OCA2: variants seen among roughly 807,000 people sequenced by gnomAD.
OCA2 encodes the protein P protein.
Under a neutral mutation model 100.2 loss-of-function variants are expected in OCA2, and 77 were observed. That is an observed-to-expected ratio of 0.77 (90% CI 0.64 to 0.93). The LOEUF is 0.93. OCA2 is among the 40% of genes least tolerant of loss of function. The pLI, the probability that OCA2 is intolerant of heterozygous loss-of-function variation, is 0.00. For synonymous variants in OCA2, 432 were observed against 439.2 expected (o/e 0.98, Z 0.21); for missense variants, 1,062 against 1,089.1 (o/e 0.98, Z 0.35).
chr15:28,011,034 G>T (rs1229249235), intron 9 of OCA2, among the ~76,000 whole-genome samples: 1 of 152,192 alleles, frequency 6.6e-6, no homozygotes. Context: ...CCACAAATAT[G>T]TCCGATTAAT....
rs1279793139 is a variant in OCA2 at position 28,081,932 on chromosome 15, G to A, written c.-21-37C>T. 7.9e-6 allele frequency: 12 copies of A among 1,513,868 alleles called. No homozygotes were observed. The African/African-American group carries it at 1.2e-4, about 16-fold the overall frequency. 93.8% of individuals were successfully genotyped at this position (1,513,868 alleles called of 1,614,324 possible). On this transcript the variant is annotated intron_variant, in intron 1 of 23. Transcript: ENST00000354638. ...AGAAAGAAACCACTCTTCATGAAAGGCACACTGAGACTAACGTTTGCACCT... is the reference window on the plus strand; with the variant it reads ...AGAAAGAAACCACTCTTCATGAAAGACACACTGAGACTAACGTTTGCACCT...
chr15:28,063,880 T>G (rs1017066262), intron 2 of OCA2, among the ~76,000 whole-genome samples: 10 of 152,164 alleles, frequency 6.6e-5, no homozygotes, highest in African/African-American at 2.4e-4. Context: ...ACAGATTTCT[T>G]TACTGGTGCT....
intron 2 of OCA2, among the ~76,000 whole-genome samples, chr15:28,036,581 G>A (rs1243302622): frequency 6.6e-6 from 1 of 152,056 alleles, no homozygotes; most frequent in Non-Finnish European, 1.5e-5. Context: ...ACAGTTTCTT[G>A]CCCATGCCTC....
At chr15:27,759,781 C>T (rs1323486552) in intron 23 of OCA2, among the ~76,000 whole-genome samples, 4 of 152,132 alleles carry the variant, frequency 2.6e-5, no homozygotes, top group South Asian at 4.1e-4. Flanking sequence ...CTTTTATTCT[C>T]TCTCTCTGTA....
At position 27,989,680 on chromosome 15, in the gene OCA2, A is replaced by G. The variant is rs568428803; in HGVS notation, c.1117-14T>C. On this transcript the variant is annotated splice_polypyrimidine_tract_variant and intron_variant, in intron 10 of 23. Coordinates refer to ENST00000354638, the MANE Select transcript of OCA2 (RefSeq NM_000275.3). ...CAGGCTGGGTCTCTGCAATCAAAGCACAAATTTGCCAATTAATCCGTGCGC... is the reference window on the plus strand; with the variant it reads ...CAGGCTGGGTCTCTGCAATCAAAGCGCAAATTTGCCAATTAATCCGTGCGC... 2 of 1,613,828 alleles carry G rather than the reference A, an allele frequency of 1.2e-6. No homozygotes were observed. The highest frequency in any genetic ancestry group is 2.2e-5 in the South Asian group (2 of 91,064).
At position 27,851,379 on chromosome 15, in the gene OCA2, T is replaced by C. The variant is rs2035744731; in HGVS notation, c.2338+3A>G. ...CACCCCCATGCAGTCAGCAGCCCCT[T>C]ACCTCCCAGGCAAGCACCGAAGGCC... On this transcript the variant is annotated splice_donor_region_variant and intron_variant, in intron 22 of 23. Coordinates refer to ENST00000354638, the MANE Select transcript of OCA2 (RefSeq NM_000275.3). The C allele has an allele frequency of 6.2e-7, 1 of 1,613,404 alleles. No individual in the cohort carries two copies. The highest frequency in any genetic ancestry group is 8.5e-7 in the Non-Finnish European group (1 of 1,179,666).
intron 23 of OCA2, among the ~76,000 whole-genome samples, chr15:27,777,013 C>T (rs556551493): frequency 5.9e-5 from 9 of 151,892 alleles, no homozygotes; most frequent in Non-Finnish European, 1.2e-4. Context: ...CACTTCCCCC[C>T]ACACCAGCCC....
intron 18 of OCA2, among the ~76,000 whole-genome samples, chr15:27,933,520 C>G (rs1391093867): frequency 3.3e-5 from 5 of 152,124 alleles, no homozygotes. Context: ...AGCAATAAAG[C>G]TTTTTAATCA....
chr15:27,998,439 C>A (rs1205805490), intron 9 of OCA2, among the ~76,000 whole-genome samples: 1 of 134,554 alleles, frequency 7.4e-6, no homozygotes, highest in East Asian at 2.1e-4. Context: ...CCAAAAGACA[C>A]ATGAAAAAAT....
chr15:28,084,554 C>T lies in OCA2; in HGVS notation c.-21-2659G>A, dbSNP rs145169363. On this transcript the variant is annotated intron_variant, in intron 1 of 23. Coordinates refer to ENST00000354638, the MANE Select transcript of OCA2 (RefSeq NM_000275.3). ...TAAAAAGCACACACGTGTATAATCT[C>T]AGAGTTTCTGTGGGTCAAGGCCAGG... 2.7e-3 allele frequency among the ~76,000 whole-genome samples: 415 copies of T among 152,334 alleles called. 4 individuals carry two copies. Among genetic ancestry groups the T allele is most frequent in the African/African-American group, 9.4e-3 (391 of 41,584 alleles).
intron 9 of OCA2, among the ~76,000 whole-genome samples, chr15:28,003,430 C>T (rs2041989059): frequency 6.6e-6 from 1 of 152,258 alleles, no homozygotes; most frequent in African/African-American, 2.4e-5. Context: ...CTGGCGGTCC[C>T]CACCCAGGAC....
rs554529234 is a variant in OCA2 at position 27,806,763 on chromosome 15, G to A, written c.2432+38196C>T. 2.5e-3 allele frequency among the ~76,000 whole-genome samples: 377 copies of A among 152,370 alleles called. 1 individual carries two copies. The highest frequency in any genetic ancestry group is 4.0e-3 in the Non-Finnish European group (272 of 68,034). ...TACAGAAATAAAAAAGAAGCCGGCT[G>A]AACTTCACTGATGGCCCAGACTGCG... On this transcript the variant is annotated intron_variant, in intron 23 of 23. Transcript: ENST00000354638.
chr15:27,897,210 C>T (rs1161643731), intron 19 of OCA2, among the ~76,000 whole-genome samples: 1 of 151,138 alleles, frequency 6.6e-6, no homozygotes, highest in Non-Finnish European at 1.5e-5. Flanking sequence ...AAAAAGAAAT[C>T]TTCTTGGCAG....
chr15:27,767,180 T>G, intron 23 of OCA2, among the ~76,000 whole-genome samples: 1 of 152,198 alleles, frequency 6.6e-6, no homozygotes, highest in African/African-American at 2.4e-5. Flanking sequence ...ACAGATGGTC[T>G]TACAAATGGA....
intron 9 of OCA2, among the ~76,000 whole-genome samples, chr15:27,996,428 T>G (rs12914545): frequency 0.6 from 91,399 of 151,634 alleles, 31,722 homozygotes; most frequent in Non-Finnish European, 0.79. Context: ...ACTTTATACC[T>G]CAAGGAAATA....
In OCA2 at chr15:28,037,062, GCACCAC is replaced by G. The variant is rs576814589; in HGVS notation, c.228-4905_228-4900del. 4.6e-5 allele frequency among the ~76,000 whole-genome samples: 7 copies of G among 152,172 alleles called. No homozygotes were observed. In the East Asian group the frequency reaches 1.4e-3, roughly 30 times the overall value. On this transcript the variant is annotated intron_variant, in intron 2 of 23. Transcript: ENST00000354638. ...AAGTCATATGCAGGCTCTTTCCCAG[GCACCAC>G]TCAGGAAGACCACAGAGCAGGCAGG... is the stretch of plus-strand genomic sequence containing the variant.
At chr15:28,092,703 T>A (rs1595938018) in intron 1 of OCA2, among the ~76,000 whole-genome samples, 1 of 152,212 alleles carries the variant, frequency 6.6e-6, no homozygotes, top group East Asian at 1.9e-4. Flanking sequence ...CTGTGAAAAA[T>A]ATCAAGCAAT....
At chr15:27,914,735 T>G (rs950195884) in intron 19 of OCA2, among the ~76,000 whole-genome samples, 14 of 152,000 alleles carry the variant, frequency 9.2e-5, no homozygotes, top group African/African-American at 3.1e-4. Flanking sequence ...ATGGAAAAAC[T>G]TTCCATGCTC....
chr15:27,977,709 GA>G (rs2041015277), intron 14 of OCA2, among the ~76,000 whole-genome samples: 1 of 152,226 alleles, frequency 6.6e-6, no homozygotes, highest in African/African-American at 2.4e-5. Context: ...GGTATTAGGA[GA>G]TGGAGTCTTT....
Sources: allele counts gnomAD v4.1 joint callset (sites outside exome capture counted in the v4.1 genomes callset), GRCh38; gene constraint gnomAD v4.1.1; transcripts MANE v1.5; gene names NCBI Gene and HGNC (gene_info 2026-07-23, HGNC 2026-07-21).